Variants in PAX5 observed in about 807,000 individuals in gnomAD.
PAX5 encodes the protein paired box protein Pax-5.
A neutral mutation model predicts 43.7 loss-of-function variants in PAX5; 9 were observed. The ratio of observed to expected loss-of-function variants is 0.21; its 90% confidence interval spans 0.12 to 0.36. PAX5 has a LOEUF of 0.36. Ranked by LOEUF, PAX5 falls within the 10% of genes least tolerant of loss-of-function variation. The pLI, the probability that PAX5 is intolerant of heterozygous loss-of-function variation, is 1.00. For synonymous variants in PAX5, 228 were observed against 214.3 expected (o/e 1.06, Z -0.56); for missense variants, 383 against 532.7 (o/e 0.72, Z 2.77).
At chr9:36,859,557 G>T (rs1379967848) in intron 8 of PAX5, among the ~76,000 whole-genome samples, 1 of 152,122 alleles carries the variant, frequency 6.6e-6, no homozygotes, top group Non-Finnish European at 1.5e-5. Flanking sequence ...TCTCTCCCAA[G>T]GCTGACTGAG....
chr9:37,034,168 C>A lies in PAX5; in HGVS notation c.-137G>T. ...CACAGGTCGGAATAATTCAAGCCTT[C>A]CGCTCCCCCGCCGAGCTGGGGTAGC... On this transcript the variant is annotated 5_prime_UTR_variant, in exon 1 of 10. Coordinates refer to ENST00000358127, the MANE Select transcript of PAX5 (RefSeq NM_016734.3). 1.7e-6 allele frequency: 1 copy of A among 599,756 alleles called. No individual in the cohort carries two copies. Among genetic ancestry groups the A allele is most frequent in the Non-Finnish European group, 2.8e-6 (1 of 354,702 alleles). 37.2% of individuals were successfully genotyped at this position (599,756 alleles called of 1,614,324 possible). A position where few individuals can be genotyped will look rare whatever the true frequency, so the allele number is the denominator to read the frequency against.
At chr9:36,924,896 A>T (rs1024363954) in intron 6 of PAX5, among the ~76,000 whole-genome samples, 3 of 70,486 alleles carry the variant, frequency 4.3e-5, no homozygotes, top group African/African-American at 1.5e-4. Flanking sequence ...TTGTTTGTGC[A>T]TGTGAAGATT....
chr9:36,859,848 C>A (rs7043255), intron 8 of PAX5, among the ~76,000 whole-genome samples: 20,471 of 151,970 alleles, frequency 0.13, 3,725 homozygotes, highest in African/African-American at 0.42. Context: ...TCCTGGCTAA[C>A]ACGGTGAAAC....
At chr9:36,984,367 T>C (rs1836201355) in intron 5 of PAX5, among the ~76,000 whole-genome samples, 1 of 150,908 alleles carries the variant, frequency 6.6e-6, no homozygotes, top group South Asian at 2.1e-4. Flanking sequence ...GAAAACAGAG[T>C]GCTTGGGTTT....
intron 8 of PAX5, among the ~76,000 whole-genome samples, chr9:36,850,781 G>A (rs549315133): frequency 2.6e-5 from 4 of 152,298 alleles, no homozygotes; most frequent in South Asian, 2.1e-4. Flanking sequence ...GGTTCCTGGC[G>A]CTCTCTGGAG....
chr9:36,983,595 A>G (rs942157013), intron 5 of PAX5, among the ~76,000 whole-genome samples: 6 of 152,170 alleles, frequency 3.9e-5, no homozygotes, highest in Non-Finnish European at 8.8e-5. Context: ...TGTTTTAAAG[A>G]GGAAACATTG....
At position 36,965,425 on chromosome 9, in the gene PAX5, T is replaced by C. The variant is rs113648958; in HGVS notation, c.780+1124A>G. Among the ~76,000 whole-genome samples, 1,325 of 152,336 alleles carry C rather than the reference T, an allele frequency of 8.7e-3. 20 individuals are homozygous for C. The highest frequency in any genetic ancestry group is 0.031 in the African/African-American group (1,276 of 41,576). On this transcript the variant is annotated intron_variant, in intron 6 of 9. Coordinates refer to ENST00000358127, the MANE Select transcript of PAX5 (RefSeq NM_016734.3). ...GCTCTGCCTCTCTGGACCTTGGTTT[T>C]ACCATCTGAAAACAAAGTGGCTAGA...
chr9:36,927,042 A>G (rs1215982938), intron 6 of PAX5, among the ~76,000 whole-genome samples: 2 of 152,170 alleles, frequency 1.3e-5, no homozygotes, highest in African/African-American at 4.8e-5. Context: ...GACAAGAGTG[A>G]CCCAGAAACA....
chr9:36,942,350 G>A (rs1291931237), intron 6 of PAX5, among the ~76,000 whole-genome samples: 1 of 152,240 alleles, frequency 6.6e-6, no homozygotes, highest in African/African-American at 2.4e-5. Context: ...GAGTTAGGAA[G>A]AGCAAAGAAA....
intron 8 of PAX5, among the ~76,000 whole-genome samples, chr9:36,861,977 C>A (rs1175796307): frequency 6.6e-6 from 1 of 152,110 alleles, no homozygotes; most frequent in Non-Finnish European, 1.5e-5. Context: ...CTGGCCCTTT[C>A]TATCCTAATG....
At chr9:37,024,137 A>G (rs980165716) in intron 1 of PAX5, among the ~76,000 whole-genome samples, 1 of 152,196 alleles carries the variant, frequency 6.6e-6, no homozygotes, top group Non-Finnish European at 1.5e-5. Context: ...AAATGGGTGA[A>G]GCTGAAGGTT....
intron 6 of PAX5, among the ~76,000 whole-genome samples, chr9:36,952,017 T>C (rs1217627807): frequency 6.6e-6 from 1 of 152,156 alleles, no homozygotes; most frequent in East Asian, 1.9e-4. Context: ...TATTATTGCC[T>C]TTTTTCCTAC....
At chr9:36,915,662 G>A (rs965199015) in intron 7 of PAX5, among the ~76,000 whole-genome samples, 1 of 151,034 alleles carries the variant, frequency 6.6e-6, no homozygotes, top group Non-Finnish European at 1.5e-5. Context: ...TTTGTCTTTT[G>A]GATGTTCTTC....
At chr9:36,883,713 A>T (rs1826662591) in intron 7 of PAX5, among the ~76,000 whole-genome samples, 1 of 152,174 alleles carries the variant, frequency 6.6e-6, no homozygotes. Flanking sequence ...AGAAAAGCAG[A>T]CAACAATACA....
chr9:36,893,892 C>T (rs1827626804), intron 7 of PAX5, among the ~76,000 whole-genome samples: 1 of 152,164 alleles, frequency 6.6e-6, no homozygotes, highest in Admixed American at 6.5e-5. Flanking sequence ...ATATTATGCA[C>T]CTCTTATCCA....
At chr9:36,921,292 C>T (rs1380521785) in intron 7 of PAX5, among the ~76,000 whole-genome samples, 1 of 152,186 alleles carries the variant, frequency 6.6e-6, no homozygotes, top group Non-Finnish European at 1.5e-5. Context: ...AGTAACAAAC[C>T]CTCCTTTCTG....
intron 7 of PAX5, 58 bp downstream of exon 7, chr9:36,923,297 C>T: frequency 6.4e-7 from 1 of 1,562,878 alleles, no homozygotes; most frequent in Non-Finnish European, 8.7e-7. Context: ...CTTCCCACCA[C>T]ACACTCCTAT....
chr9:36,998,139 T>C (rs1328277172), intron 5 of PAX5, among the ~76,000 whole-genome samples: 1 of 152,212 alleles, frequency 6.6e-6, no homozygotes, highest in East Asian at 1.9e-4. Context: ...ATAATCTGCC[T>C]CCTGCAGCTT....
chr9:36,949,643 C>G (rs1588057773), intron 6 of PAX5, among the ~76,000 whole-genome samples: 2 of 152,314 alleles, frequency 1.3e-5, no homozygotes, highest in East Asian at 3.9e-4. Context: ...GCAGCTGCTT[C>G]CGAAGCTTGT....
Sources: gnomAD v4.1 joint callset for allele counts (sites outside exome capture counted in the v4.1 genomes callset) on GRCh38, gnomAD v4.1.1 for gene constraint, MANE v1.5 for transcripts, NCBI Gene and HGNC (gene_info 2026-07-23, HGNC 2026-07-21) for gene names.